OR2B2: variants seen among roughly 807,000 people sequenced by gnomAD.
OR2B2 encodes olfactory receptor family 2 subfamily B member 2.
For missense variants in OR2B2, 362 were observed against 422.4 expected (o/e 0.86, Z 1.25); for synonymous variants, 137 against 150.9 (o/e 0.91, Z 0.67).
rs753551195 is a variant in OR2B2, at chr6:27,911,481, A to G, written c.839T>C (p.Ile280Thr). The change falls in exon 1 of 1, where the codon ATC becomes ACC. Residue 280 changes from isoleucine (I) to threonine (T), a missense_variant. By Grantham distance (89) the Ile-to-Thr change is moderately conservative. Transcript: ENST00000303324. ...AAGGGGATTCAGCATGGGTGCAATG[A>G]TTCCACAGAAGAGAGAAACCATCTT... ...RGKMVSLFCGIIAPMLNPLIY... is the reference protein window; with the variant it reads ...RGKMVSLFCGTIAPMLNPLIY... 4 of 1,614,052 alleles carry G rather than the reference A, an allele frequency of 2.5e-6. No homozygotes were observed. The African/African-American group carries it at 5.3e-5, about 22-fold the overall frequency.
chr6:27,911,973 G>A lies in OR2B2; in HGVS notation c.347C>T (p.Ala116Val), dbSNP rs1436749293. Reference protein sequence around the residue: ...ALGSTECLLLAVMCFDRFVAI... With the variant: ...ALGSTECLLLVVMCFDRFVAI... The stretch of plus-strand genomic sequence containing the variant: ...TACAAACCTATCAAAGCACATGACG[G>A]CCAGGAGAAGACATTCTGTGGAACC... The change falls in exon 1 of 1, where the codon GCC becomes GTC. Residue 116 changes from alanine (A) to valine (V), a missense_variant. Ala to Val is a moderately conservative substitution (Grantham distance 64). Coordinates refer to ENST00000303324, the MANE Select transcript of OR2B2 (RefSeq NM_033057.2). 5 of 1,614,186 alleles carry A rather than the reference G, an allele frequency of 3.1e-6. No homozygotes were observed. The highest frequency in any genetic ancestry group is 2.5e-6 in the Non-Finnish European group (3 of 1,180,044).
In OR2B2 at chr6:27,911,623, C is replaced by A. The variant is rs539471263; in HGVS notation, c.697G>T (p.Gly233Cys). ...CATGTCCCAAATGCCTTTCGTTGAC[C>A]TTCAGCAGACTGGATTCTCAACACT... Reference protein sequence around the residue: ...QAVLRIQSAEGQRKAFGTCGS... With the variant: ...QAVLRIQSAECQRKAFGTCGS... The change falls in exon 1 of 1, where the codon GGT (glycine) becomes TGT (cysteine). Residue 233 changes from glycine (G) to cysteine (C), a missense_variant. Transcript: ENST00000303324. 13 of 1,614,152 alleles carry A rather than the reference C, an allele frequency of 8.1e-6. No homozygotes were observed. The South Asian group carries it at 1.4e-4, about 18-fold the overall frequency.
In OR2B2 at chr6:27,912,152, G is replaced by T. The variant is rs1045916413; in HGVS notation, c.168C>A (p.His56Gln). The T allele has an allele frequency of 2.5e-6, 4 of 1,614,074 alleles. No individual in the cohort carries two copies. The African/African-American group carries it at 5.3e-5, about 22-fold the overall frequency. The change falls in exon 1 of 1, where the codon CAC (histidine) becomes CAA (glutamine). Residue 56 changes from histidine (H) to glutamine (Q), a missense_variant. By Grantham distance (24) the His-to-Gln change is conservative. Coordinates refer to ENST00000303324, the MANE Select transcript of OR2B2 (RefSeq NM_033057.2). ...ILVSHVDFKL[H>Q]TPMYFFLSNL... ...TGCTAAGAAAAAAGTACATAGGGGT[G>T]TGGAGTTTGAAATCCACATGTGACA...
In OR2B2 at chr6:27,912,133, G is replaced by C; in HGVS notation, c.187C>G (p.Leu63Val). Residue 63 changes from leucine (L) to valine (V), a missense_variant, in exon 1 of 1, where the codon CTT becomes GTT. By Grantham distance (32) the Leu-to-Val change is conservative. Coordinates refer to ENST00000303324, the MANE Select transcript of OR2B2 (RefSeq NM_033057.2). ...FKLHTPMYFF[L>V]SNLSLLDLCY... is the part of the protein sequence containing the mutation. ...AGGTCCAGGAGTGAGAGATTGCTAA[G>C]AAAAAAGTACATAGGGGTGTGGAGT... The C allele has an allele frequency of 1.9e-6, 3 of 1,613,844 alleles. No homozygotes were observed. The highest frequency in any genetic ancestry group is 2.5e-6 in the Non-Finnish European group (3 of 1,179,920).
chr6:27,911,977 G>A lies in OR2B2; in HGVS notation c.343C>T (p.Leu115=), dbSNP rs1428151770. ...AACCTATCAAAGCACATGACGGCCA[G>A]GAGAAGACATTCTGTGGAACCCAAG... ...LALGSTECLL[L]AVMCFDRFVA... Residue 115 remains leucine (L), a synonymous_variant, in exon 1 of 1, where the codon CTG becomes TTG. Coordinates refer to ENST00000303324, the MANE Select transcript of OR2B2 (RefSeq NM_033057.2). 2 of 1,614,210 alleles carry A rather than the reference G, an allele frequency of 1.2e-6. No homozygotes were observed. Among genetic ancestry groups the A allele is most frequent in the Non-Finnish European group, 1.7e-6 (2 of 1,180,044 alleles).
chr6:27,912,361 C>G lies in OR2B2; in HGVS notation c.-42G>C. ...CTTCGTTCTCTGAAATATAAGAAGT[C>G]AGGAAGTTAACAACACACTTCCTGA... On this transcript the variant is annotated 5_prime_UTR_variant, in exon 1 of 1. Transcript: ENST00000303324. The G allele has an allele frequency of 1.5e-6, 2 of 1,299,684 alleles. No homozygotes were observed. The highest frequency in any genetic ancestry group is 2.1e-6 in the Non-Finnish European group (2 of 938,926). 80.5% of individuals were successfully genotyped at this position (1,299,684 alleles called of 1,614,324 possible). A position where few individuals can be genotyped will look rare whatever the true frequency, so the allele number is the denominator to read the frequency against.
chr6:27,911,971 C>T lies in OR2B2; in HGVS notation c.349G>A (p.Val117Ile), dbSNP rs781638205. The change falls in exon 1 of 1, where the codon GTC becomes ATC. Residue 117 changes from valine to isoleucine, a missense_variant. By Grantham distance (29) the Val-to-Ile change is conservative. Transcript: ENST00000303324. ...GCTACAAACCTATCAAAGCACATGA[C>T]GGCCAGGAGAAGACATTCTGTGGAA... ...LGSTECLLLA[V>I]MCFDRFVAIC... 1.4e-5 allele frequency: 22 copies of T among 1,614,150 alleles called. No individual in the cohort carries two copies. Among genetic ancestry groups the T allele is most frequent in the East Asian group, 4.5e-5 (2 of 44,884 alleles).
rs9368537 is a variant in OR2B2, at chr6:27,911,773, C to G, written c.547G>C (p.Ala183Pro). The stretch of plus-strand genomic sequence containing the variant: ...TCAACACAGGACAACTTGAGCAGAG[C>G]AGGGACTTCACAGAAGAAGTGATCC... ...EVDHFFCEVP[A>P]LLKLSCVDTT... Residue 183 changes from alanine (A) to proline (P), a missense_variant, in exon 1 of 1, where the codon GCT (alanine) becomes CCT (proline). Ala to Pro is a conservative substitution (Grantham distance 27). Coordinates refer to ENST00000303324, the MANE Select transcript of OR2B2 (RefSeq NM_033057.2). 0.032 allele frequency: 52,007 copies of G among 1,613,730 alleles called. 1,445 individuals carry two copies. The highest frequency in any genetic ancestry group is 0.11 in the Admixed American group (6,720 of 59,982).
chr6:27,911,379 A>T lies in OR2B2; in HGVS notation c.941T>A (p.Ile314Lys), dbSNP rs755856799. The T allele has an allele frequency of 3.1e-6, 5 of 1,613,974 alleles. No homozygotes were observed. The South Asian group carries it at 5.5e-5, about 18-fold the overall frequency. The change falls in exon 1 of 1, where the codon ATA (isoleucine) becomes AAA (lysine). Residue 314 changes from isoleucine (I) to lysine (K), a missense_variant. Physicochemically the swap from Ile to Lys is moderately radical, Grantham distance 102 (BLOSUM62 -3). Coordinates refer to ENST00000303324, the MANE Select transcript of OR2B2 (RefSeq NM_033057.2). Reference sequence around the variant, plus strand: ...AAAGCTTATCATTTGCATATTTCTTATTTCTTGATTAAGAAGACTCTTTGC... The same window carrying T: ...AAAGCTTATCATTTGCATATTTCTTTTTTCTTGATTAAGAAGACTCTTTGC... ...LVAKSLLNQE[I>K]RNMQMISFAK...
chr6:27,912,104 G>A lies in OR2B2; in HGVS notation c.216C>T (p.Cys72=). The change falls in exon 1 of 1, where the codon TGC becomes TGT. Residue 72 remains cysteine, a synonymous_variant. Transcript: ENST00000303324. ...TTTGTGGAACTGTACTTGTGGTATA[G>A]CAAAGGTCCAGGAGTGAGAGATTGC... The part of the protein sequence containing the change: ...FLSNLSLLDL[C]YTTSTVPQML... The A allele has an allele frequency of 6.2e-7, 1 of 1,614,190 alleles. No homozygotes were observed. The highest frequency in any genetic ancestry group is 8.5e-7 in the Non-Finnish European group (1 of 1,180,026).
Position 27,911,640 on chromosome 6 carries a change from C to G in OR2B2, c.680G>C (p.Arg227Thr). 1.2e-6 allele frequency: 2 copies of G among 1,614,124 alleles called. No individual in the cohort carries two copies. The highest frequency in any genetic ancestry group is 1.7e-6 in the Non-Finnish European group (2 of 1,180,032). Residue 227 changes from arginine (R) to threonine (T), a missense_variant, in exon 1 of 1, where the codon AGA becomes ACA. Coordinates refer to ENST00000303324, the MANE Select transcript of OR2B2 (RefSeq NM_033057.2). ...SYAFIVQAVL[R>T]IQSAEGQRKA... is the part of the protein sequence containing the mutation. ...TCGTTGACCTTCAGCAGACTGGATT[C>G]TCAACACTGCTTGGACAATAAAAGC...
At position 27,911,681 on chromosome 6, in the gene OR2B2, G is replaced by GAGT. The variant is rs769067151; in HGVS notation, c.636_638dup (p.Leu213dup). 2 of 1,613,994 alleles carry GAGT rather than the reference G, an allele frequency of 1.2e-6. No homozygotes were observed. Among genetic ancestry groups the GAGT allele is most frequent in the Non-Finnish European group, 1.7e-6 (2 of 1,179,962 alleles). ...CAATAAAAGCATACGATATAAGGAT[G>GAGT]AGTGTCACGGGTATTAGAAGGAATA... On this transcript the variant is annotated inframe_insertion, in exon 1 of 1. Coordinates refer to ENST00000303324, the MANE Select transcript of OR2B2 (RefSeq NM_033057.2).
Position 27,911,776 on chromosome 6 carries a change from G to C in OR2B2, c.544C>G (p.Pro182Ala). 2 of 1,613,958 alleles carry C rather than the reference G, an allele frequency of 1.2e-6. No homozygotes were observed. Among genetic ancestry groups the C allele is most frequent in the Non-Finnish European group, 1.7e-6 (2 of 1,179,928 alleles). Residue 182 changes from proline (P) to alanine (A), a missense_variant, in exon 1 of 1, where the codon CCT becomes GCT. Physicochemically the swap from Pro to Ala is conservative, Grantham distance 27 (BLOSUM62 -1). Coordinates refer to ENST00000303324, the MANE Select transcript of OR2B2 (RefSeq NM_033057.2). ...ACACAGGACAACTTGAGCAGAGCAGGGACTTCACAGAAGAAGTGATCCACT... is the reference window on the plus strand; with the variant it reads ...ACACAGGACAACTTGAGCAGAGCAGCGACTTCACAGAAGAAGTGATCCACT... ...KEVDHFFCEVPALLKLSCVDT... is the reference protein window; with the variant it reads ...KEVDHFFCEVAALLKLSCVDT...
chr6:27,911,942 A>G lies in OR2B2; in HGVS notation c.378T>C (p.Ile126=), dbSNP rs755300343. 82 of 1,614,212 alleles carry G rather than the reference A, an allele frequency of 5.1e-5. 1 individual carries two copies. The South Asian group carries it at 6.4e-4, about 13-fold the overall frequency. The change falls in exon 1 of 1, where the codon ATT becomes ATC. Residue 126 remains isoleucine (I), a synonymous_variant. Transcript: ENST00000303324. Reference sequence around the variant, plus strand: ...TAATTGAGTAATGGAGAGGCCGACAAATAGCTACAAACCTATCAAAGCACA... The same window carrying G: ...TAATTGAGTAATGGAGAGGCCGACAGATAGCTACAAACCTATCAAAGCACA... ...AVMCFDRFVA[I]CRPLHYSIIM...
In OR2B2 at chr6:27,911,691, G is replaced by C. The variant is rs1350521241; in HGVS notation, c.629C>G (p.Pro210Arg). ...FFISVLFLLI[P>R]VTLILISYAF... ...ATACGATATAAGGATGAGTGTCACGGGTATTAGAAGGAATAGCACACTGAT... is the reference window on the plus strand; with the variant it reads ...ATACGATATAAGGATGAGTGTCACGCGTATTAGAAGGAATAGCACACTGAT... The change falls in exon 1 of 1, where the codon CCC becomes CGC. Residue 210 changes from proline to arginine, a missense_variant. By Grantham distance (103) the Pro-to-Arg change is moderately radical (BLOSUM62 -2). Coordinates refer to ENST00000303324, the MANE Select transcript of OR2B2 (RefSeq NM_033057.2). 3 of 1,613,836 alleles carry C rather than the reference G, an allele frequency of 1.9e-6. No homozygotes were observed. The highest frequency in any genetic ancestry group is 2.2e-5 in the East Asian group (1 of 44,886).
chr6:27,912,117 A>C lies in OR2B2; in HGVS notation c.203T>G (p.Leu68Arg), dbSNP rs751544260. 2.5e-6 allele frequency: 4 copies of C among 1,614,204 alleles called. No homozygotes were observed. The East Asian group carries it at 8.9e-5, about 36-fold the overall frequency. Reference protein sequence around the residue: ...PMYFFLSNLSLLDLCYTTSTV... With the variant: ...PMYFFLSNLSRLDLCYTTSTV... Reference sequence around the variant, plus strand: ...ACTTGTGGTATAGCAAAGGTCCAGGAGTGAGAGATTGCTAAGAAAAAAGTA... The same window carrying C: ...ACTTGTGGTATAGCAAAGGTCCAGGCGTGAGAGATTGCTAAGAAAAAAGTA... Residue 68 changes from leucine (L) to arginine (R), a missense_variant, in exon 1 of 1, where the codon CTC (leucine) becomes CGC (arginine). Coordinates refer to ENST00000303324, the MANE Select transcript of OR2B2 (RefSeq NM_033057.2).
At position 27,912,252 on chromosome 6, in the gene OR2B2, AGCCAT is replaced by A. The variant is rs1482085179; in HGVS notation, c.63_67del (p.Trp22ArgfsTer41). On this transcript the variant is annotated frameshift_variant, in exon 1 of 1. Coordinates refer to ENST00000303324, the MANE Select transcript of OR2B2 (RefSeq NM_033057.2). LOFTEE classifies it low-confidence loss of function (END_TRUNC). ...AAACATCACAAAGGGTGGAATCTCTAGCCATGGTTGATCTGAGAAAACTAACAGAA... is the reference window on the plus strand; with the variant it reads ...AAACATCACAAAGGGTGGAATCTCTAGGTTGATCTGAGAAAACTAACAGAA... 6.2e-7 allele frequency: 1 copy of A among 1,613,998 alleles called. No homozygotes were observed. The highest frequency in any genetic ancestry group is 8.5e-7 in the Non-Finnish European group (1 of 1,179,912).
Position 27,911,336 on chromosome 6 carries a change from A to G in OR2B2, c.984T>C (p.Leu328=). Residue 328 remains leucine (L), a synonymous_variant, in exon 1 of 1, where the codon CTT becomes CTC. Transcript: ENST00000303324. ...TTGCGGAGAAGTTAGTAAGGTAAGT[A>G]AGCACTGTGTCTTTAGCAAAGCTTA... ...QMISFAKDTV[L]TYLTNFSASC... 8 of 1,613,688 alleles carry G rather than the reference A, an allele frequency of 5.0e-6. No homozygotes were observed. The highest frequency in any genetic ancestry group is 6.8e-6 in the Non-Finnish European group (8 of 1,179,742).
In OR2B2 at chr6:27,912,092, A is replaced by G; in HGVS notation, c.228T>C (p.Ser76=). 6.2e-7 allele frequency: 1 copy of G among 1,614,224 alleles called. No homozygotes were observed. The highest frequency in any genetic ancestry group is 8.5e-7 in the Non-Finnish European group (1 of 1,180,038). ...LSLLDLCYTT[S]TVPQMLVNIC... ...TGTTTACCAGCATTTGTGGAACTGT[A>G]CTTGTGGTATAGCAAAGGTCCAGGA... Residue 76 remains serine (S), a synonymous_variant, in exon 1 of 1, where the codon AGT becomes AGC. Transcript: ENST00000303324.
Sources: gnomAD v4.1 joint callset for allele counts on GRCh38, gnomAD v4.1.1 for gene constraint, MANE v1.5 for transcripts, NCBI Gene and HGNC (gene_info 2026-07-23, HGNC 2026-07-21) for gene names.